Variants in ADCY2 observed in about 807,000 individuals in gnomAD.
The protein encoded by ADCY2 is adenylate cyclase type 2.
A neutral mutation model predicts 125.2 loss-of-function variants in ADCY2; 31 were observed. That is an observed-to-expected ratio of 0.25 (90% CI 0.19 to 0.33). The LOEUF is 0.33. Ranked by LOEUF, ADCY2 falls within the 10% of genes least tolerant of loss-of-function variation. The pLI, the probability that ADCY2 is intolerant of heterozygous loss-of-function variation, is 1.00. For missense variants in ADCY2, 904 were observed against 1,418.2 expected (o/e 0.64, Z 5.82); for synonymous variants, 512 against 548.4 (o/e 0.93, Z 0.93).
intron 3 of ADCY2, among the ~76,000 whole-genome samples, chr5:7,594,440 C>T (rs771261731): frequency 5.3e-5 from 8 of 152,198 alleles, no homozygotes; most frequent in Non-Finnish European, 1.0e-4. Context: ...AGTTGAGAAG[C>T]TCAAATACCA....
chr5:7,666,080 C>G (rs2914298), intron 4 of ADCY2, among the ~76,000 whole-genome samples: 1 of 150,798 alleles, frequency 6.6e-6, no homozygotes, highest in Non-Finnish European at 1.5e-5. Flanking sequence ...CCTCGTGATC[C>G]GCCCGCCTTG....
intron 3 of ADCY2, among the ~76,000 whole-genome samples, chr5:7,593,713 A>G (rs947944004): frequency 2.6e-5 from 4 of 152,172 alleles, no homozygotes; most frequent in African/African-American, 9.7e-5. Flanking sequence ...TCCTTTTTCA[A>G]GATGTTGGGG....
intron 3 of ADCY2, among the ~76,000 whole-genome samples, chr5:7,612,140 CA>C (rs1345790603): frequency 6.6e-6 from 1 of 151,970 alleles, no homozygotes; most frequent in Admixed American, 6.6e-5. Context: ...GAATTTCTCA[CA>C]GTTGGATACC....
At chr5:7,781,048 G>A (rs531957411) in intron 18 of ADCY2, among the ~76,000 whole-genome samples, 5 of 152,202 alleles carry the variant, frequency 3.3e-5, no homozygotes, top group Non-Finnish European at 5.9e-5. Context: ...TACCATTGTC[G>A]TTGTGTTGGA....
chr5:7,601,798 G>A (rs145448074), intron 3 of ADCY2, among the ~76,000 whole-genome samples: 1 of 152,152 alleles, frequency 6.6e-6, no homozygotes, highest in Non-Finnish European at 1.5e-5. Context: ...TCCCTCAGCA[G>A]TGATGCATGC....
At chr5:7,807,217 T>C (rs776801117) in intron 22 of ADCY2, among the ~76,000 whole-genome samples, 7 of 152,214 alleles carry the variant, frequency 4.6e-5, no homozygotes, top group Non-Finnish European at 8.8e-5. Flanking sequence ...TCTGCCTCCA[T>C]CAGACCCAGT....
At chr5:7,517,891 A>G (rs545272854) in intron 2 of ADCY2, among the ~76,000 whole-genome samples, 4 of 152,346 alleles carry the variant, frequency 2.6e-5, no homozygotes, top group South Asian at 2.1e-4. Flanking sequence ...TTTGCATAGA[A>G]GCAAATATGT....
intron 4 of ADCY2, among the ~76,000 whole-genome samples, chr5:7,672,990 A>T (rs927879335): frequency 2.6e-5 from 4 of 152,040 alleles, no homozygotes; most frequent in African/African-American, 4.8e-5. Flanking sequence ...GGCTGGAGAC[A>T]CTATAGTATC....
chr5:7,645,836 A>G (rs571189958), intron 4 of ADCY2, among the ~76,000 whole-genome samples: 1 of 152,366 alleles, frequency 6.6e-6, no homozygotes, highest in South Asian at 2.1e-4. Context: ...GAGAGAAAAT[A>G]ACTAGGTTAT....
chr5:7,826,388 A>G (rs1745478576), intron 24 of ADCY2, among the ~76,000 whole-genome samples: 1 of 152,178 alleles, frequency 6.6e-6, no homozygotes, highest in Non-Finnish European at 1.5e-5. Flanking sequence ...GGTTGAAATC[A>G]TAGCCTGGAT....
chr5:7,661,152 G>T (rs750553577), intron 4 of ADCY2, among the ~76,000 whole-genome samples: 3 of 152,154 alleles, frequency 2.0e-5, no homozygotes, highest in Non-Finnish European at 4.4e-5. Context: ...TGTTTTGATT[G>T]TGCACACCTA....
chr5:7,821,427 G>C (rs1233777184), intron 24 of ADCY2, among the ~76,000 whole-genome samples: 4 of 152,194 alleles, frequency 2.6e-5, no homozygotes, highest in Non-Finnish European at 5.9e-5. Context: ...GTTCTGCCCA[G>C]GTTGACAGTG....
chr5:7,706,819 G>A lies in ADCY2; in HGVS notation c.1185G>A (p.Val395=). The change falls in exon 8 of 25, where the codon GTG becomes GTA. Residue 395 remains valine, a synonymous_variant. Transcript: ENST00000338316. The part of the protein sequence containing the change: ...GVHSGNVLCG[V]IGLQKWQYDV... ...ATTCTGGGAATGTCCTGTGTGGCGT[G>A]ATTGGTCTGCAGAAGTGGCAATATG... 6.2e-7 allele frequency: 1 copy of A among 1,614,226 alleles called. No homozygotes were observed. The highest frequency in any genetic ancestry group is 8.5e-7 in the Non-Finnish European group (1 of 1,180,046).
chr5:7,507,424 G>A (rs1174744879), intron 2 of ADCY2, among the ~76,000 whole-genome samples: 8 of 101,336 alleles, frequency 7.9e-5, no homozygotes, highest in African/African-American at 3.3e-4. Context: ...CTGGGCGACA[G>A]AGCGAGACTC....
At chr5:7,814,260 C>A (rs1230533957) in intron 22 of ADCY2, among the ~76,000 whole-genome samples, 3 of 152,138 alleles carry the variant, frequency 2.0e-5, no homozygotes, top group Non-Finnish European at 4.4e-5. Context: ...CCCTCTTGAA[C>A]AGAGATTTAA....
chr5:7,789,475 G>A (rs1310553680), intron 19 of ADCY2, among the ~76,000 whole-genome samples, 167 bp from the exon 20 acceptor site: 1 of 152,206 alleles, frequency 6.6e-6, no homozygotes, highest in African/African-American at 2.4e-5. Flanking sequence ...GAGGTTGACT[G>A]AAGGACATTT....
rs149775093 is a variant in ADCY2 at position 7,532,818 on chromosome 5, G to A, written c.570+11919G>A. ...GTCATGTTGTGTTTTTCTTTAATTC[G>A]TGGCTTGATCCTTTTGAGCAATAAC... is the stretch of plus-strand genomic sequence containing the variant. On this transcript the variant is annotated intron_variant, in intron 3 of 24. Coordinates refer to ENST00000338316, the MANE Select transcript of ADCY2 (RefSeq NM_020546.3). Among the ~76,000 whole-genome samples the A allele has an allele frequency of 9.7e-4, 148 of 151,872 alleles. 1 individual carries two copies. Among genetic ancestry groups the A allele is most frequent in the Admixed American group, 8.6e-3 (131 of 15,256 alleles).
chr5:7,790,472 T>A (rs1004113420), intron 20 of ADCY2, among the ~76,000 whole-genome samples: 2 of 152,218 alleles, frequency 1.3e-5, no homozygotes, highest in African/African-American at 4.8e-5. Flanking sequence ...AGAGATGTTG[T>A]GAGATGTCTT....
intron 2 of ADCY2, among the ~76,000 whole-genome samples, chr5:7,483,302 T>A (rs149336831): frequency 0.014 from 2,203 of 152,162 alleles, 26 homozygotes; most frequent in Non-Finnish European, 0.023. Context: ...TTATTATGTA[T>A]CGAAAAATTT....
Sources: allele counts gnomAD v4.1 joint callset (sites outside exome capture counted in the v4.1 genomes callset), GRCh38; gene constraint gnomAD v4.1.1; transcripts MANE v1.5; gene names NCBI Gene and HGNC (gene_info 2026-07-23, HGNC 2026-07-21).